CADPS2: variants seen among roughly 807,000 people sequenced by gnomAD.
CADPS2 encodes calcium dependent secretion activator 2, also known as calcium-dependent secretion activator 2.
A neutral mutation model predicts 172.5 loss-of-function variants in CADPS2; 93 were observed. That is an observed-to-expected ratio of 0.54 (90% confidence interval 0.46 to 0.64). The LOEUF (loss-of-function observed/expected upper bound fraction) is 0.64. Among genes scored for constraint, CADPS2 ranks in the 30% least tolerant of loss-of-function variants. CADPS2 has a pLI of 0.00. For missense variants in CADPS2, 1,420 were observed against 1,565.9 expected, an observed-to-expected ratio of 0.91 and a Z score of 1.57; for synonymous variants, 546 against 555.2, an observed-to-expected ratio of 0.98 and a Z score of 0.23.
chr7:122,741,054 T>A (rs554238967), intron 1 of CADPS2, among the ~76,000 whole-genome samples: 25 of 152,260 alleles, frequency 1.6e-4, no homozygotes, highest in African/African-American at 6.0e-4. Context: ...TACCACATAA[T>A]TCTTAATTGC....
intron 2 of CADPS2, among the ~76,000 whole-genome samples, chr7:122,692,498 T>C (rs1162007889): frequency 2.0e-5 from 3 of 152,180 alleles, no homozygotes; most frequent in Admixed American, 2.0e-4. Context: ...TTCAGTACCT[T>C]CTCCACACTC....
rs112344439 is a variant in CADPS2, at chr7:122,507,658, T to C, written c.1542+5591A>G. On this transcript the variant is annotated intron_variant, in intron 9 of 29. Transcript: ENST00000449022. ...GAAGAATTTAAGCAGCAAATTGTCA[T>C]AATGTGAGTTATGCTTTAAATAGAT... is the stretch of plus-strand genomic sequence containing the variant. Among the ~76,000 whole-genome samples the C allele has an allele frequency of 3.8e-3, 576 of 152,288 alleles. 4 individuals are homozygous for C. Among genetic ancestry groups the C allele is most frequent in the African/African-American group, 0.013 (527 of 41,564 alleles).
intron 5 of CADPS2, among the ~76,000 whole-genome samples, chr7:122,619,626 C>T (rs1028949089): frequency 7.2e-5 from 11 of 151,870 alleles, no homozygotes; most frequent in African/African-American, 2.4e-4. Flanking sequence ...GACTCAGTCT[C>T]CAAACAAATA....
chr7:122,607,370 T>C (rs941438134), intron 6 of CADPS2, among the ~76,000 whole-genome samples: 2 of 152,162 alleles, frequency 1.3e-5, no homozygotes, highest in Non-Finnish European at 2.9e-5. Context: ...CTAAGGATTG[T>C]GCTGTGGTAA....
intron 3 of CADPS2, among the ~76,000 whole-genome samples, chr7:122,654,100 T>C (rs111657638): frequency 2.6e-5 from 4 of 152,264 alleles, no homozygotes; most frequent in East Asian, 3.9e-4. Context: ...AACAGCCAAA[T>C]TGAAGGCTAT....
intron 25 of CADPS2, among the ~76,000 whole-genome samples, chr7:122,373,885 G>A (rs1171404210): frequency 6.6e-6 from 1 of 151,826 alleles, no homozygotes; most frequent in Non-Finnish European, 1.5e-5. Context: ...AACAGAAGAG[G>A]GAACACTTCC....
intron 2 of CADPS2, among the ~76,000 whole-genome samples, chr7:122,691,359 G>T (rs1406162910): frequency 6.6e-6 from 1 of 152,202 alleles, no homozygotes; most frequent in Non-Finnish European, 1.5e-5. Context: ...CCACAGCTAG[G>T]ACTAAAAGCC....
intron 3 of CADPS2, among the ~76,000 whole-genome samples, chr7:122,637,594 G>A (rs1375536441): frequency 2.0e-5 from 3 of 152,080 alleles, no homozygotes; most frequent in Non-Finnish European, 2.9e-5. Flanking sequence ...CCTTGGATTG[G>A]GTTTCAACTT....
At chr7:122,866,098 AT>A (rs1480675736) in intron 1 of CADPS2, among the ~76,000 whole-genome samples, 1 of 152,210 alleles carries the variant, frequency 6.6e-6, no homozygotes, top group African/African-American at 2.4e-5. Flanking sequence ...GCTGCTTTCT[AT>A]TTTAAGTTCT....
chr7:122,485,034 C>A (rs2057666980), intron 11 of CADPS2, among the ~76,000 whole-genome samples: 1 of 152,118 alleles, frequency 6.6e-6, no homozygotes, highest in South Asian at 2.1e-4. Context: ...TGGGGTGCCA[C>A]AAACTACACC....
chr7:122,475,484 T>C (rs1041336138), intron 12 of CADPS2, among the ~76,000 whole-genome samples: 3 of 152,182 alleles, frequency 2.0e-5, no homozygotes, highest in Non-Finnish European at 4.4e-5. Context: ...CTAAGTGTAG[T>C]TTGTAAAACC....
chr7:122,599,999 G>A (rs374116074), intron 6 of CADPS2, among the ~76,000 whole-genome samples: 68 of 151,960 alleles, frequency 4.5e-4, no homozygotes, highest in African/African-American at 1.1e-3. Flanking sequence ...TATATTCCTC[G>A]TAATATATCT....
intron 9 of CADPS2, among the ~76,000 whole-genome samples, chr7:122,494,084 C>T (rs1378987868): frequency 6.6e-6 from 1 of 152,042 alleles, no homozygotes; most frequent in Non-Finnish European, 1.5e-5. Context: ...AGGAGATTAT[C>T]GTCGATATGT....
intron 7 of CADPS2, among the ~76,000 whole-genome samples, chr7:122,564,208 C>T (rs904480787): frequency 7.2e-5 from 11 of 152,118 alleles, no homozygotes; most frequent in African/African-American, 2.7e-4. Context: ...CAAAATAACA[C>T]TAATGAAAAC....
At chr7:122,694,384 G>C (rs1369591751) in intron 2 of CADPS2, among the ~76,000 whole-genome samples, 1 of 152,186 alleles carries the variant, frequency 6.6e-6, no homozygotes, top group Admixed American at 6.5e-5. Context: ...CATGATGTGT[G>C]GCAACAACAG....
At chr7:122,575,804 TATAA>T (rs1421928970) in intron 7 of CADPS2, among the ~76,000 whole-genome samples, 3 of 152,306 alleles carry the variant, frequency 2.0e-5, no homozygotes, top group African/African-American at 7.2e-5. Context: ...CCTTTTTTAT[TATAA>T]ATGTTTATAA....
chr7:122,532,538 A>T (rs865984201), intron 8 of CADPS2, among the ~76,000 whole-genome samples: 1 of 56,934 alleles, frequency 1.8e-5, no homozygotes, highest in Non-Finnish European at 3.7e-5. Flanking sequence ...CCCCACCCCC[A>T]CCCCCCTACC....
At chr7:122,711,440 T>C (rs917994417) in intron 2 of CADPS2, among the ~76,000 whole-genome samples, 1 of 152,092 alleles carries the variant, frequency 6.6e-6, no homozygotes, top group African/African-American at 2.4e-5. Context: ...CAATTATGTA[T>C]ACCATGGTAC....
intron 11 of CADPS2, among the ~76,000 whole-genome samples, chr7:122,481,862 T>G (rs569074943): frequency 5.1e-4 from 78 of 152,058 alleles, no homozygotes; most frequent in Non-Finnish European, 8.5e-4. Flanking sequence ...AATACAAAAA[T>G]TAGGTGGGTG....
Sources: allele counts gnomAD v4.1 joint callset (sites outside exome capture counted in the v4.1 genomes callset), GRCh38; gene constraint gnomAD v4.1.1; transcripts MANE v1.5; gene names NCBI Gene and HGNC (gene_info 2026-07-23, HGNC 2026-07-21).